ANKRD17: variants seen among roughly 807,000 people sequenced by gnomAD.
ANKRD17 encodes ankyrin repeat domain 17.
ANKRD17 carries 19 observed loss-of-function variants against 229.7 expected under a neutral mutation model. The ratio of observed to expected loss-of-function variants is 0.08; its 90% CI spans 0.06 to 0.12. ANKRD17 has a LOEUF of 0.12. Among genes scored for constraint, ANKRD17 ranks in the 10% least tolerant of loss-of-function variants. ANKRD17 has a pLI of 1.00. For synonymous variants in ANKRD17, 1,112 were observed against 1,146.1 expected, an observed-to-expected ratio of 0.97 and a Z score of 0.60; for missense variants, 2,176 against 3,176.8, an observed-to-expected ratio of 0.68 and a Z score of 7.57.
intron 21 of ANKRD17, 108 bp from the exon 22 acceptor site, chr4:73,118,958 C>G: frequency 8.7e-7 from 1 of 1,155,926 alleles, no homozygotes; most frequent in East Asian, 2.5e-5. Flanking sequence ...GAGATCATGG[C>G]TCACTGCAGC....
At chr4:73,232,544 T>C (rs986065737) in intron 1 of ANKRD17, among the ~76,000 whole-genome samples, 2 of 152,174 alleles carry the variant, frequency 1.3e-5, no homozygotes, top group Non-Finnish European at 2.9e-5. Context: ...GAATTAGGCA[T>C]CTTACATTAA....
chr4:73,171,819 G>A (rs779333712), intron 2 of ANKRD17, among the ~76,000 whole-genome samples: 8 of 152,092 alleles, frequency 5.3e-5, no homozygotes, highest in East Asian at 1.9e-4. Flanking sequence ...TTGATCAAGC[G>A]GAAGAAAGAA....
chr4:73,083,546 A>G (rs1721782781), intron 30 of ANKRD17, among the ~76,000 whole-genome samples: 1 of 152,226 alleles, frequency 6.6e-6, no homozygotes, highest in South Asian at 2.1e-4. Flanking sequence ...ATTTTTTGTA[A>G]CAAAATAGTT....
chr4:73,076,181 T>C lies in ANKRD17; in HGVS notation c.*50A>G, dbSNP rs1352278313. On this transcript the variant is annotated 3_prime_UTR_variant, in exon 34 of 34. Transcript: ENST00000358602. Reference sequence around the variant, plus strand: ...CATAATTTTTTTTTTCGGCCACTTGTGATTTCCTCCAAATGAAAAGGAATC... The same window carrying C: ...CATAATTTTTTTTTTCGGCCACTTGCGATTTCCTCCAAATGAAAAGGAATC... The C allele has an allele frequency of 6.4e-7, 1 of 1,561,312 alleles. No homozygotes were observed. The highest frequency in any genetic ancestry group is 1.2e-5 in the South Asian group (1 of 84,332).
intron 29 of ANKRD17, among the ~76,000 whole-genome samples, chr4:73,089,781 G>A (rs757562912): frequency 2.6e-5 from 4 of 152,126 alleles, no homozygotes; most frequent in Non-Finnish European, 5.9e-5. Context: ...GTGTTGCCCA[G>A]TAGAATTTTG....
intron 1 of ANKRD17, among the ~76,000 whole-genome samples, chr4:73,196,980 G>A (rs1006028871): frequency 2.0e-5 from 3 of 152,132 alleles, no homozygotes; most frequent in Non-Finnish European, 4.4e-5. Flanking sequence ...GTGTGTATAT[G>A]TATATGTATA....
At chr4:73,107,146 A>G (rs979083727) in intron 24 of ANKRD17, among the ~76,000 whole-genome samples, 1 of 152,202 alleles carries the variant, frequency 6.6e-6, no homozygotes, top group Non-Finnish European at 1.5e-5. Context: ...TACAGCTAAT[A>G]TATAGAGGGT....
chr4:73,258,691 C>A lies in ANKRD17; in HGVS notation c.-23G>T, dbSNP rs1025161273. ...CATCCCCAGGGAAAGAGGGAGGGCGCGGACGGGGGAGGGGCGTGGGGCTAC... is the reference window on the plus strand; with the variant it reads ...CATCCCCAGGGAAAGAGGGAGGGCGAGGACGGGGGAGGGGCGTGGGGCTAC... On this transcript the variant is annotated 5_prime_UTR_variant, in exon 1 of 34. Transcript: ENST00000358602. The A allele has an allele frequency of 1.1e-4, 156 of 1,443,056 alleles. No individual in the cohort carries two copies. Among genetic ancestry groups the A allele is most frequent in the Non-Finnish European group, 1.4e-4 (151 of 1,109,070 alleles). The allele number at this position is 1,443,056 out of a possible 1,614,324, so 89.4% of individuals were successfully genotyped here. A position where few individuals can be genotyped will look rare whatever the true frequency, so the allele number is the denominator to read the frequency against.
In ANKRD17 at chr4:73,102,460, T is replaced by G. The variant is rs1560519538; in HGVS notation, c.4489A>C (p.Arg1497=). 2 of 1,608,254 alleles carry G rather than the reference T, an allele frequency of 1.2e-6. No homozygotes were observed. Among genetic ancestry groups the G allele is most frequent in the South Asian group, 1.1e-5 (1 of 88,700 alleles). ...TTGGCTTCAATTTCTTCTAGTTTCC[T>G]TCTTTGTTCTTCCTTTTTCTTCCTT... is the stretch of plus-strand genomic sequence containing the variant. ...KRRKKKEEQR[R]KLEEIEAKNK... is the part of the protein sequence containing the mutation. Residue 1497 remains arginine, a synonymous_variant, in exon 25 of 34, where the codon AGG becomes CGG. Coordinates refer to ENST00000358602, the MANE Select transcript of ANKRD17 (RefSeq NM_032217.5).
At chr4:73,212,861 T>C (rs1013507755) in intron 1 of ANKRD17, among the ~76,000 whole-genome samples, 1 of 140,128 alleles carries the variant, frequency 7.1e-6, no homozygotes, top group African/African-American at 2.6e-5. Context: ...ACTAAAAAAA[T>C]ACAAAAAAAA....
chr4:73,203,281 A>T (rs1738919330), intron 1 of ANKRD17, among the ~76,000 whole-genome samples: 1 of 152,142 alleles, frequency 6.6e-6, no homozygotes, highest in Non-Finnish European at 1.5e-5. Flanking sequence ...CAGTTTCTCC[A>T]AACCCTCATC....
chr4:73,198,203 CAGAAT>C (rs922765564), intron 1 of ANKRD17, among the ~76,000 whole-genome samples: 1 of 152,146 alleles, frequency 6.6e-6, no homozygotes, highest in Non-Finnish European at 1.5e-5. Flanking sequence ...GCATTAAATA[CAGAAT>C]AGTTTTACTA....
intron 1 of ANKRD17, among the ~76,000 whole-genome samples, chr4:73,240,926 A>G (rs1315019510): frequency 2.7e-5 from 4 of 148,298 alleles, no homozygotes; most frequent in Non-Finnish European, 5.9e-5. Flanking sequence ...CTCCTGCCTC[A>G]GCCTCCCGAG....
chr4:73,188,412 T>C (rs2366791), intron 1 of ANKRD17, among the ~76,000 whole-genome samples: 151,973 of 152,056 alleles, frequency 1, 75,946 homozygotes, highest in Middle Eastern at 1. Flanking sequence ...TGGTGACTCC[T>C]CATCTCTACT....
intron 24 of ANKRD17, among the ~76,000 whole-genome samples, chr4:73,108,883 CTGA>C (rs977336478): frequency 6.2e-4 from 95 of 152,128 alleles, no homozygotes; most frequent in African/African-American, 2.1e-3. Context: ...AGTGTGTATG[CTGA>C]TGAGAATGAT....
Position 73,218,015 on chromosome 4 carries a change from T to C in ANKRD17, c.393+40261A>G, listed in dbSNP as rs1364732668. The stretch of plus-strand genomic sequence containing the variant: ...TGTATGTTTGTGTGTGTGTGGAGTA[T>C]ATGTAAGTATAAATGTGAATATATG... On this transcript the variant is annotated intron_variant, in intron 1 of 33. Coordinates refer to ENST00000358602, the MANE Select transcript of ANKRD17 (RefSeq NM_032217.5). 4.6e-5 allele frequency among the ~76,000 whole-genome samples: 7 copies of C among 152,284 alleles called. No homozygotes were observed. The East Asian group carries it at 1.4e-3, about 29-fold the overall frequency.
intron 12 of ANKRD17, 106 bp from the exon 13 acceptor site, chr4:73,142,491 T>A: frequency 6.4e-7 from 1 of 1,565,832 alleles, no homozygotes; most frequent in Non-Finnish European, 8.7e-7. Flanking sequence ...ATTAAAATCA[T>A]AGGTTTGGTA....
At position 73,142,794 on chromosome 4, in the gene ANKRD17, A is replaced by G. The variant is rs72861849; in HGVS notation, c.1958-27T>C. Reference sequence around the variant, plus strand: ...TAAAACAGAAAAGGCATGGAAAATCATATTAGTAGAATGGTTTTTCTTAAA... The same window carrying G: ...TAAAACAGAAAAGGCATGGAAAATCGTATTAGTAGAATGGTTTTTCTTAAA... On this transcript the variant is annotated intron_variant, in intron 11 of 33. Transcript: ENST00000358602. 113 of 1,585,362 alleles carry G rather than the reference A, an allele frequency of 7.1e-5. No homozygotes were observed. In the African/African-American group the frequency reaches 9.9e-4, roughly 14 times the overall value.
rs772818444 is a variant in ANKRD17, at chr4:73,113,187, C to A, written c.4401+605G>T. The A allele has an allele frequency of 8.6e-5, 111 of 1,284,960 alleles. 1 individual carries two copies. Among genetic ancestry groups the A allele is most frequent in the South Asian group, 2.4e-4 (19 of 80,154 alleles). 79.6% of individuals were successfully genotyped at this position (1,284,960 alleles called of 1,614,324 possible). On this transcript the variant is annotated intron_variant, in intron 24 of 33. Coordinates refer to ENST00000358602, the MANE Select transcript of ANKRD17 (RefSeq NM_032217.5). ...TACTATTCAGTTAAGTTCTAGAGTA[C>A]AGAATTATAGGGGAAAATGTGGCAG...
Sources: gnomAD v4.1 joint callset for allele counts (sites outside exome capture counted in the v4.1 genomes callset) on GRCh38, gnomAD v4.1.1 for gene constraint, MANE v1.5 for transcripts, NCBI Gene and HGNC (gene_info 2026-07-23, HGNC 2026-07-21) for gene names.